The following CCDC141 variants were observed in gnomAD, a reference collection of about 807,000 sequenced individuals.
The protein encoded by CCDC141 is coiled-coil domain containing 141, also known as coiled-coil domain-containing protein 141.
A neutral mutation model predicts 181.0 loss-of-function variants in CCDC141; 168 were observed. The ratio of observed to expected loss-of-function variants is 0.93; its 90% CI spans 0.82 to 1.05. The LOEUF is 1.05. Ranked by LOEUF, CCDC141 falls within the 50% of genes least tolerant of loss-of-function variation. CCDC141 has a pLI of 0.00. For missense variants in CCDC141, 1,902 were observed against 1,788.5 expected (o/e 1.06, Z -1.14); for synonymous variants, 666 against 642.3 (o/e 1.04, Z -0.56).
intron 2 of CCDC141, among the ~76,000 whole-genome samples, chr2:179,015,095 T>TAATCATATATATATATAC (rs1449268223): frequency 2.9e-5 from 1 of 34,774 alleles, no homozygotes; most frequent in Admixed American, 3.4e-4. Flanking sequence ...TATATATATA[T>TAATCATATATATATATAC]ATATATATAA....
chr2:178,898,862 A>G (rs919532470), intron 8 of CCDC141, among the ~76,000 whole-genome samples: 12 of 152,180 alleles, frequency 7.9e-5, no homozygotes, highest in African/African-American at 2.7e-4. Flanking sequence ...TACCTGCCTC[A>G]ATACTAAATT....
chr2:178,960,842 T>A (rs1055328630), intron 5 of CCDC141, among the ~76,000 whole-genome samples: 1 of 152,216 alleles, frequency 6.6e-6, no homozygotes, highest in Non-Finnish European at 1.5e-5. Context: ...TTTACTGATG[T>A]AAGCAGCAAT....
intron 20 of CCDC141, among the ~76,000 whole-genome samples, 199 bp from the exon 21 acceptor site, chr2:178,850,360 C>T (rs190385823): frequency 1.0e-3 from 155 of 152,328 alleles, no homozygotes; most frequent in African/African-American, 3.5e-3. Flanking sequence ...ATTACATTTG[C>T]TGTACCACGC....
rs559151741 is a variant in CCDC141 at position 178,885,075 on chromosome 2, T to C, written c.1545A>G (p.Leu515=). 1.9e-6 allele frequency: 3 copies of C among 1,549,678 alleles called. No individual in the cohort carries two copies. In the African/African-American group the frequency reaches 4.1e-5, roughly 21 times the overall value. Reference sequence around the variant, plus strand: ...CCATCATGGTTTTTGCAGCTGCTTCTAATTCATGTGATGTCTCCTGTAAAA... The same window carrying C: ...CCATCATGGTTTTTGCAGCTGCTTCCAATTCATGTGATGTCTCCTGTAAAA... ...DIQAKETSHE[L]EAAAKTMMEK... The change falls in exon 11 of 24, where the codon TTA becomes TTG. Residue 515 remains leucine (L), a synonymous_variant. Coordinates refer to ENST00000443758, the MANE Select transcript of CCDC141 (RefSeq NM_173648.4).
the CCDC141 span, chr2:178,817,784 TTCCTTCCTTCCTCCC>T: frequency 3.7e-6 from 1 of 270,962 alleles, no homozygotes; most frequent in African/African-American, 2.9e-5. Flanking sequence ...CCTCCCTTCC[TTCCTTCCTTCCTCCC>T]TCCCTCCCTC....
chr2:178,918,623 C>T (rs1025995926), intron 7 of CCDC141, 90 bp downstream of exon 7: 8 of 1,065,668 alleles, frequency 7.5e-6, no homozygotes, highest in Non-Finnish European at 1.1e-5. Context: ...GGCGTTTTGA[C>T]TTCTGTGATG....
chr2:178,850,683 A>C (rs1685126449), intron 20 of CCDC141, among the ~76,000 whole-genome samples: 1 of 152,208 alleles, frequency 6.6e-6, no homozygotes, highest in Non-Finnish European at 1.5e-5. Context: ...TTCTGCTGTC[A>C]AAATATAACC....
chr2:178,947,583 A>G (rs949137012), intron 5 of CCDC141, among the ~76,000 whole-genome samples: 1 of 152,166 alleles, frequency 6.6e-6, no homozygotes, highest in Non-Finnish European at 1.5e-5. Flanking sequence ...TCAGCAGAGG[A>G]GTGAGGCAGA....
At chr2:179,018,510 G>T (rs2042607375) in intron 2 of CCDC141, among the ~76,000 whole-genome samples, 1 of 152,064 alleles carries the variant, frequency 6.6e-6, no homozygotes, top group African/African-American at 2.4e-5. Context: ...ATTTCTTTTA[G>T]CTTTTGCTGT....
chr2:178,957,409 T>C (rs899293710), intron 5 of CCDC141, among the ~76,000 whole-genome samples: 5 of 152,172 alleles, frequency 3.3e-5, no homozygotes, highest in African/African-American at 1.2e-4. Context: ...TCTAGAACAC[T>C]GACAATGCCA....
intron 5 of CCDC141, among the ~76,000 whole-genome samples, chr2:178,944,996 A>G (rs1192862358): frequency 1.3e-5 from 2 of 152,180 alleles, no homozygotes; most frequent in Admixed American, 6.5e-5. Context: ...TTTCCTGGAA[A>G]TGAATATGAA....
chr2:178,850,228 T>C, intron 20 of CCDC141, 67 bp from the exon 21 acceptor site: 1 of 778,336 alleles, frequency 1.3e-6, no homozygotes, highest in South Asian at 1.5e-5. Flanking sequence ...AGTCCAGGTA[T>C]AAATTCATCT....
intron 6 of CCDC141, 119 bp from the exon 7 acceptor site, chr2:178,919,026 G>C: frequency 1.1e-6 from 1 of 905,972 alleles, no homozygotes; most frequent in South Asian, 1.9e-5. Flanking sequence ...TAGGAAGTAG[G>C]GCTTTGGGAG....
chr2:178,839,980 A>C (rs1684656085), intron 22 of CCDC141, among the ~76,000 whole-genome samples: 1 of 152,192 alleles, frequency 6.6e-6, no homozygotes, highest in South Asian at 2.1e-4. Context: ...ACTTTTTCTG[A>C]AAGAGTACTT....
At chr2:178,835,322 A>G (rs1684433652) in intron 23 of CCDC141, among the ~76,000 whole-genome samples, 1 of 152,234 alleles carries the variant, frequency 6.6e-6, no homozygotes, top group Admixed American at 6.5e-5. Context: ...ATGACTTCTA[A>G]TTATAAAAGG....
chr2:178,964,269 C>T (rs547825773), intron 4 of CCDC141, among the ~76,000 whole-genome samples: 1 of 152,220 alleles, frequency 6.6e-6, no homozygotes, highest in South Asian at 2.1e-4. Flanking sequence ...CGCAAACACA[C>T]ACACACACAT....
At chr2:178,866,061 T>G in intron 16 of CCDC141, 145 bp from the exon 17 acceptor site, 1 of 580,076 alleles carries the variant, frequency 1.7e-6, no homozygotes, top group African/African-American at 1.9e-5. Context: ...TAAACATATT[T>G]GAACATAATT....
At chr2:179,029,169 A>G (rs1175576219) in intron 2 of CCDC141, among the ~76,000 whole-genome samples, 3 of 152,078 alleles carry the variant, frequency 2.0e-5, no homozygotes, top group Non-Finnish European at 4.4e-5. Context: ...ATCTTTACCC[A>G]TCACTTCTTT....
At chr2:178,891,355 C>T (rs1370958074) in intron 8 of CCDC141, among the ~76,000 whole-genome samples, 1 of 152,136 alleles carries the variant, frequency 6.6e-6, no homozygotes, top group African/African-American at 2.4e-5. Context: ...CAGAGACAGT[C>T]TCAGTAACTG....
Sources: gnomAD v4.1 joint callset for allele counts (sites outside exome capture counted in the v4.1 genomes callset) on GRCh38, gnomAD v4.1.1 for gene constraint, MANE v1.5 for transcripts, NCBI Gene and HGNC (gene_info 2026-07-23, HGNC 2026-07-21) for gene names.